Variants in PCDHGB4 observed in about 807,000 individuals in gnomAD.
The protein encoded by PCDHGB4 is protocadherin gamma subfamily B, 4.
PCDHGB4 carries 38 observed loss-of-function variants against 60.5 expected under a neutral mutation model. That is an observed-to-expected ratio of 0.63 (90% CI 0.48 to 0.82). PCDHGB4 has a LOEUF of 0.82. PCDHGB4 is among the 40% of genes least tolerant of loss of function. PCDHGB4 has a pLI of 0.00. For missense variants in PCDHGB4, 1,109 were observed against 1,209.6 expected (o/e 0.92, Z 1.23); for synonymous variants, 456 against 509.7 (o/e 0.89, Z 1.42).
chr5:141,399,081 G>A (rs1336220348), intron 1 of PCDHGB4: 2 of 1,613,758 alleles, frequency 1.2e-6, no homozygotes, highest in African/African-American at 1.3e-5. Context: ...TAGAAGGGAG[G>A]GATGGTGGTG....
chr5:141,389,608 T>C lies in PCDHGB4; in HGVS notation c.1724T>C (p.Met575Thr), dbSNP rs1458951980. 1.9e-6 allele frequency: 3 copies of C among 1,613,138 alleles called. No homozygotes were observed. Among genetic ancestry groups the C allele is most frequent in the East Asian group, 2.2e-5 (1 of 44,870 alleles). ...CCCGACGGCTCTGCGCTCTTCGATA[T>C]GGTGCCGCACGCTGCAGAGCCTGGC... is the stretch of plus-strand genomic sequence containing the variant. ...LGPDGSALFD[M>T]VPHAAEPGYL... Residue 575 changes from methionine to threonine, a missense_variant, in exon 1 of 4, where the codon ATG (methionine) becomes ACG (threonine). Around this residue, in one of 2 missense-constraint regions of PCDHGB4, gnomAD observed 1,068 missense variants for 1,089.9 expected, o/e 0.98. Transcript: ENST00000519479.
In PCDHGB4 at chr5:141,486,748, T is replaced by C; in HGVS notation, c.2398-8059T>C. ...TTCATGCTACTCGATCCTTTGACTA[T>C]GAGCAAACCCAGACACTGCAGTTTG... is the stretch of plus-strand genomic sequence containing the variant. On this transcript the variant is annotated intron_variant, in intron 1 of 3. Coordinates refer to ENST00000519479, the MANE Select transcript of PCDHGB4 (RefSeq NM_003736.4). The surrounding 1 kb of genome is among the most constrained non-coding windows in gnomAD (Gnocchi z 5.0). 6.2e-7 allele frequency: 1 copy of C among 1,614,230 alleles called. No individual in the cohort carries two copies. The highest frequency in any genetic ancestry group is 8.5e-7 in the Non-Finnish European group (1 of 1,180,042).
At position 141,394,666 on chromosome 5, in the gene PCDHGB4, C is replaced by T. The variant is rs1175831509; in HGVS notation, c.2397+4385C>T. 1.2e-6 allele frequency: 2 copies of T among 1,613,190 alleles called. No homozygotes were observed. ...AAGGCCAGCGAGCCGGGACTCTTCT[C>T]GGTGGGTCTGCACACGGGCGAGGTG... On this transcript the variant is annotated intron_variant, in intron 1 of 3. Transcript: ENST00000519479.
intron 1 of PCDHGB4, chr5:141,424,694 T>C (rs2096834568): frequency 6.6e-6 from 1 of 152,252 alleles, no homozygotes; most frequent in East Asian, 1.9e-4. Flanking sequence ...TCTGGCTATT[T>C]TTTTGTTCAT....
chr5:141,456,984 C>G (rs374156327), intron 1 of PCDHGB4, among the ~76,000 whole-genome samples: 1 of 152,200 alleles, frequency 6.6e-6, no homozygotes, highest in East Asian at 1.9e-4. Flanking sequence ...AACAAACAAA[C>G]AAACAAAAAC....
At chr5:141,423,203 T>A (rs2096720538) in intron 1 of PCDHGB4, 1 of 1,613,508 alleles carries the variant, frequency 6.2e-7, no homozygotes, top group African/African-American at 1.3e-5. Context: ...TCGGCCACCG[T>A]CACGCTCACC....
intron 1 of PCDHGB4, chr5:141,413,293 C>G: frequency 6.2e-7 from 1 of 1,613,946 alleles, no homozygotes; most frequent in South Asian, 1.1e-5. Context: ...CTACTCAATT[C>G]CTGAGGAATT....
At chr5:141,467,273 G>T (rs879618653) in intron 1 of PCDHGB4, among the ~76,000 whole-genome samples, 1 of 151,828 alleles carries the variant, frequency 6.6e-6, no homozygotes, top group Admixed American at 6.6e-5. Context: ...GGCTGGTCTC[G>T]AACTCTTGAC....
Position 141,413,864 on chromosome 5 carries a change from T to C in PCDHGB4, c.2397+23583T>C. 3 of 1,613,398 alleles carry C rather than the reference T, an allele frequency of 1.9e-6. No homozygotes were observed. The Admixed American group carries it at 5.0e-5, about 27-fold the overall frequency. ...GGTGACCCTCTCCGATCTGGCACTG[T>C]CCTTGTCAGTGTGACTGTCTTCGAT... On this transcript the variant is annotated intron_variant, in intron 1 of 3. Transcript: ENST00000519479.
Position 141,501,335 on chromosome 5 carries a change from C to A in PCDHGB4, c.2457-4058C>A, listed in dbSNP as rs977626682. 1.5e-4 allele frequency among the ~76,000 whole-genome samples: 20 copies of A among 135,718 alleles called. No individual in the cohort carries two copies. In the East Asian group the frequency reaches 2.2e-3, roughly 15 times the overall value. The allele number at this position is 135,718 out of a possible 152,430, so 89.0% of individuals were successfully genotyped here. The stretch of plus-strand genomic sequence containing the variant: ...CACACACACACACACACACACACAC[C>A]CCAAACTCAATAGGGCAAGAACCAT... On this transcript the variant is annotated intron_variant, in intron 2 of 3. Transcript: ENST00000519479.
At chr5:141,414,270 T>G in intron 1 of PCDHGB4, 1 of 1,613,476 alleles carries the variant, frequency 6.2e-7, no homozygotes, top group Non-Finnish European at 8.5e-7. Context: ...AAGATTCACC[T>G]CTGGGAACAG....
intron 1 of PCDHGB4, chr5:141,478,214 C>T (rs1258200424): frequency 6.2e-7 from 1 of 1,614,140 alleles, no homozygotes; most frequent in Admixed American, 1.7e-5. Flanking sequence ...TTCTCTAATC[C>T]TGGTTTCTGT....
rs2734872 is a variant in PCDHGB4 at position 141,474,454 on chromosome 5, C to T, written c.2398-20353C>T. On this transcript the variant is annotated intron_variant, in intron 1 of 3. Transcript: ENST00000519479. ...ACACTTTGAGTAGCAAGTGATTGGG[C>T]TATACTCTTTATTCTAAATTCTAAA... Among the ~76,000 whole-genome samples, 6 of 152,308 alleles carry T rather than the reference C, an allele frequency of 3.9e-5. No individual in the cohort carries two copies. The East Asian group carries it at 1.2e-3, about 29-fold the overall frequency.
At chr5:141,483,761 GA>G (rs1376816525) in intron 1 of PCDHGB4, among the ~76,000 whole-genome samples, 1 of 152,118 alleles carries the variant, frequency 6.6e-6, no homozygotes, top group African/African-American at 2.4e-5. Flanking sequence ...TCGAGGCTTG[GA>G]AAAATATTGG....
chr5:141,394,361 G>A (rs2092984834), intron 1 of PCDHGB4: 15 of 1,614,072 alleles, frequency 9.3e-6, no homozygotes, highest in Non-Finnish European at 1.2e-5. Context: ...TCCTGTATGC[G>A]CTGCAATCTT....
chr5:141,506,177 G>A (rs1024892091), intron 3 of PCDHGB4, among the ~76,000 whole-genome samples: 16 of 152,142 alleles, frequency 1.1e-4, no homozygotes, highest in Admixed American at 4.6e-4. Flanking sequence ...TAAGCTGGGC[G>A]TGGTGGCTCA....
chr5:141,447,388 T>C (rs1302757515), intron 1 of PCDHGB4, among the ~76,000 whole-genome samples: 3 of 152,166 alleles, frequency 2.0e-5, no homozygotes, highest in African/African-American at 7.2e-5. Flanking sequence ...TCTGCCCACC[T>C]CGGCCTCCCA....
rs561451935 is a variant in PCDHGB4 at position 141,423,179 on chromosome 5, G to A, written c.2397+32898G>A. 21 of 1,613,516 alleles carry A rather than the reference G, an allele frequency of 1.3e-5. No individual in the cohort carries two copies. The South Asian group carries it at 2.1e-4, about 16-fold the overall frequency. ...CTCGTGGTGGCCGTCCAGGACCACG[G>A]CCAGCCCCCTCTCTCGGCCACCGTC... On this transcript the variant is annotated intron_variant, in intron 1 of 3. Transcript: ENST00000519479.
intron 1 of PCDHGB4, chr5:141,394,020 A>G (rs1311759353): frequency 6.2e-7 from 1 of 1,613,426 alleles, no homozygotes; most frequent in African/African-American, 1.3e-5. Context: ...TAATTATTAT[A>G]GATTAGTGAC....
Sources: gnomAD v4.1 joint callset for allele counts (sites outside exome capture counted in the v4.1 genomes callset) on GRCh38, gnomAD v4.1.1 for gene constraint, gnomAD v4.1.1 regional missense constraint, Gnocchi (gnomAD v3.1) non-coding constraint, MANE v1.5 for transcripts, NCBI Gene and HGNC (gene_info 2026-07-23, HGNC 2026-07-21) for gene names.